The following PCDHGA3 variants were observed in gnomAD, a reference collection of about 807,000 sequenced individuals.
PCDHGA3 encodes protocadherin gamma subfamily A, 3.
A neutral mutation model predicts 58.5 loss-of-function variants in PCDHGA3; 40 were observed. The observed-to-expected ratio is 0.68, with a 90% CI of 0.53 to 0.89. The LOEUF is 0.89. Ranked by LOEUF, PCDHGA3 falls within the 40% of genes least tolerant of loss-of-function variation. The probability of loss-of-function intolerance (pLI) is 0.00; values close to 1 mark genes in which losing one functional copy is unlikely to be tolerated. For synonymous variants in PCDHGA3, 530 were observed against 525.7 expected (o/e 1.01, Z -0.11); for missense variants, 1,223 against 1,195.9 (o/e 1.02, Z -0.33).
chr5:141,344,253 C>A lies in PCDHGA3; in HGVS notation c.220C>A (p.Leu74Ile). 3 of 1,614,050 alleles carry A rather than the reference C, an allele frequency of 1.9e-6. No individual in the cohort carries two copies. Among genetic ancestry groups the A allele is most frequent in the Admixed American group, 1.7e-5 (1 of 60,030 alleles). Residue 74 changes from leucine to isoleucine, a missense_variant, in exon 1 of 4, where the codon CTT becomes ATT. Around this residue, in one of 3 missense-constraint regions of PCDHGA3, gnomAD observed 791 missense variants for 708.5 expected, o/e 1.12. Transcript: ENST00000253812. ...CATCGTCTCCAGAGGTAGGACGCAG[C>A]TTTTCTCTCTGAATCCGCAAAGCGG... is the stretch of plus-strand genomic sequence containing the variant. ...VRIVSRGRTQ[L>I]FSLNPQSGSL...
intron 1 of PCDHGA3, chr5:141,400,525 G>T: frequency 1.2e-6 from 2 of 1,613,908 alleles, no homozygotes; most frequent in Non-Finnish European, 1.7e-6. Flanking sequence ...TCCTGAGTTG[G>T]TGAGTTTCAT....
rs1004061582 is a variant in PCDHGA3, at chr5:141,477,406, A to C, written c.2425-17401A>C. ...AATACAACCTCAGCATCACCGCCCG[A>C]GACGCCGGAACCCCTTCCCTCTCAG... On this transcript the variant is annotated intron_variant, in intron 1 of 3. Transcript: ENST00000253812. The surrounding 1 kb of genome is among the most constrained non-coding windows in gnomAD (Gnocchi z 4.9). 6.2e-7 allele frequency: 1 copy of C among 1,614,036 alleles called. No homozygotes were observed. Among genetic ancestry groups the C allele is most frequent in the Admixed American group, 1.7e-5 (1 of 59,994 alleles).
At chr5:141,357,465 C>T (rs760807195) in intron 1 of PCDHGA3, 3 of 1,614,226 alleles carry the variant, frequency 1.9e-6, no homozygotes, top group South Asian at 1.1e-5. Flanking sequence ...CCTATTCCCA[C>T]GAGGTCTCCC....
chr5:141,503,960 T>TTC (rs2099834474), intron 2 of PCDHGA3, among the ~76,000 whole-genome samples: 1 of 152,172 alleles, frequency 6.6e-6, no homozygotes, highest in Admixed American at 6.5e-5. Flanking sequence ...CCTACAGCCT[T>TTC]TCCCATGGTG....
intron 1 of PCDHGA3, chr5:141,433,252 G>T (rs1398141147): frequency 1.4e-6 from 2 of 1,425,340 alleles, no homozygotes; most frequent in Non-Finnish European, 1.9e-6. Flanking sequence ...GGAATGCAGC[G>T]GTACGATCAT....
intron 1 of PCDHGA3, chr5:141,410,799 C>T: frequency 2.9e-5 from 16 of 560,592 alleles, no homozygotes; most frequent in South Asian, 8.0e-5. Context: ...ATAAGTTGCT[C>T]TATCTTTTTG....
rs767225609 is a variant in PCDHGA3 at position 141,390,056 on chromosome 5, C to T, written c.2424+43599C>T. On this transcript the variant is annotated intron_variant, in intron 1 of 3. Transcript: ENST00000253812. ...CCTCCAGCCCCGCCTCCTGGAGCTG[C>T]TTCCAGCCTGGTCTCTGTGTTAAAT... 9 of 1,613,960 alleles carry T rather than the reference C, an allele frequency of 5.6e-6. No homozygotes were observed. In the Admixed American group the frequency reaches 1.3e-4, roughly 24 times the overall value.
intron 1 of PCDHGA3, chr5:141,421,546 A>C: frequency 6.2e-7 from 1 of 1,614,014 alleles, no homozygotes; most frequent in Non-Finnish European, 8.5e-7. Context: ...TTTTTTAAAT[A>C]TGGAACTTCT....
chr5:141,377,101 A>G (rs6895700), intron 1 of PCDHGA3: 15,808 of 152,272 alleles, frequency 0.1, 1,337 homozygotes, highest in African/African-American at 0.24. Flanking sequence ...CTTTTATATC[A>G]AAAGAATGTT....
intron 1 of PCDHGA3, among the ~76,000 whole-genome samples, chr5:141,451,429 G>A (rs577699188): frequency 1.3e-3 from 195 of 152,306 alleles, no homozygotes; most frequent in African/African-American, 4.5e-3. Flanking sequence ...TAGACTAAGG[G>A]TTCCAGTTCC....
intron 1 of PCDHGA3, among the ~76,000 whole-genome samples, chr5:141,402,461 C>T (rs892900332): frequency 6.6e-6 from 1 of 151,994 alleles, no homozygotes; most frequent in Non-Finnish European, 1.5e-5. Context: ...GTTTACATAT[C>T]TAGAAATAGA....
At chr5:141,392,242 G>T (rs1294476832) in intron 1 of PCDHGA3, 1 of 152,134 alleles carries the variant, frequency 6.6e-6, no homozygotes, top group Non-Finnish European at 1.5e-5. Context: ...TTAGTTATTT[G>T]TTAGTATATA....
At chr5:141,350,295 G>A (rs748197603) in intron 1 of PCDHGA3, 1 of 1,518,322 alleles carries the variant, frequency 6.6e-7, no homozygotes, top group Admixed American at 2.3e-5. Flanking sequence ...ATGATGAAAA[G>A]TCAGGTACTG....
intron 1 of PCDHGA3, chr5:141,351,091 C>T: frequency 2.5e-6 from 4 of 1,614,028 alleles, no homozygotes; most frequent in Non-Finnish European, 3.4e-6. Flanking sequence ...TCACCTATGC[C>T]TTCCTCAATT....
At chr5:141,361,005 CT>C (rs1761838030) in intron 1 of PCDHGA3, 1 of 1,613,186 alleles carries the variant, frequency 6.2e-7, no homozygotes, top group East Asian at 2.2e-5. Context: ...AAGTGAAACA[CT>C]TTTTCAACTT....
rs1196083589 is a variant in PCDHGA3, at chr5:141,486,525, A to G, written c.2425-8282A>G. On this transcript the variant is annotated intron_variant, in intron 1 of 3. Coordinates refer to ENST00000253812, the MANE Select transcript of PCDHGA3 (RefSeq NM_018916.4). This position sits in a 1 kb window ranked among gnomAD's most constrained non-coding sequence, Gnocchi z 5.0. ...CTCAATATTTCAGATGTGAATGATA[A>G]TCCACCCTCTTTCTTTCAGAGGTCA... 1 of 1,614,158 alleles carries G rather than the reference A, an allele frequency of 6.2e-7. No individual in the cohort carries two copies. Among genetic ancestry groups the G allele is most frequent in the African/African-American group, 1.3e-5 (1 of 75,054 alleles).
In PCDHGA3 at chr5:141,345,918, G is replaced by A. The variant is rs555216092; in HGVS notation, c.1885G>A (p.Ala629Thr). 1 of 1,613,320 alleles carries A rather than the reference G, an allele frequency of 6.2e-7. No individual in the cohort carries two copies. Among genetic ancestry groups the A allele is most frequent in the East Asian group, 2.2e-5 (1 of 44,850 alleles). The stretch of plus-strand genomic sequence containing the variant: ...TCTGCACACGGGCGAGGTGCGCACG[G>A]CGCGAGCCCTGCTGGACAGAGACGC... ...VGLHTGEVRT[A>T]RALLDRDALK... The change falls in exon 1 of 4, where the codon GCG becomes ACG. Residue 629 changes from alanine to threonine, a missense_variant. By Grantham distance (58) the Ala-to-Thr change is moderately conservative. Around this residue, in one of 3 missense-constraint regions of PCDHGA3, gnomAD observed 107 missense variants for 159.8 expected, o/e 0.67. Transcript: ENST00000253812.
At chr5:141,488,268 C>T (rs1371050827) in intron 1 of PCDHGA3, among the ~76,000 whole-genome samples, 1 of 152,170 alleles carries the variant, frequency 6.6e-6, no homozygotes, top group East Asian at 1.9e-4. Context: ...GCGGGTTGGT[C>T]ATCACCTTTG....
At chr5:141,390,266 A>C in intron 1 of PCDHGA3, 2 of 1,614,010 alleles carry the variant, frequency 1.2e-6, no homozygotes, top group East Asian at 4.5e-5. Context: ...ATTCCAGTGA[A>C]TTGACTTCCC....
Sources: gnomAD v4.1 joint callset for allele counts (sites outside exome capture counted in the v4.1 genomes callset) on GRCh38, gnomAD v4.1.1 for gene constraint, gnomAD v4.1.1 regional missense constraint, Gnocchi (gnomAD v3.1) non-coding constraint, MANE v1.5 for transcripts, NCBI Gene and HGNC (gene_info 2026-07-23, HGNC 2026-07-21) for gene names.